Variants in BCHE observed in about 807,000 individuals in gnomAD.
BCHE encodes butyrylcholinesterase.
In BCHE, 48 loss-of-function variants were observed where a neutral mutation model predicts 51.3. The ratio of observed to expected loss-of-function variants is 0.94; its 90% CI spans 0.74 to 1.19. The LOEUF (loss-of-function observed/expected upper bound fraction) is 1.19. BCHE is among the 50% of genes most tolerant of loss of function. The pLI is 0.00. For synonymous variants in BCHE, 251 were observed against 238.0 expected (o/e 1.05, Z -0.50); for missense variants, 847 against 708.2 (o/e 1.20, Z -2.23).
At chr3:165,773,850 CTTTAAAATAACACAAATTTCA>C (rs1712352372) in intron 3 of BCHE, among the ~76,000 whole-genome samples, 1 of 151,932 alleles carries the variant, frequency 6.6e-6, no homozygotes, top group African/African-American at 2.4e-5. Context: ...TCTTGACCCA[CTTTAAAATAACACAAATTTCA>C]TTTAATGGTC....
chr3:165,799,200 C>T (rs1426733706), intron 2 of BCHE, among the ~76,000 whole-genome samples: 1 of 152,006 alleles, frequency 6.6e-6, no homozygotes, highest in African/African-American at 2.4e-5. Flanking sequence ...CTCTATTTAG[C>T]GTTGTGTTTC....
chr3:165,817,805 G>T (rs573966966), intron 2 of BCHE, among the ~76,000 whole-genome samples: 1 of 151,906 alleles, frequency 6.6e-6, no homozygotes, highest in Non-Finnish European at 1.5e-5. Context: ...GCATTATTGA[G>T]GTAATAGGGA....
chr3:165,799,210 C>T (rs1713545490), intron 2 of BCHE, among the ~76,000 whole-genome samples: 1 of 152,028 alleles, frequency 6.6e-6, no homozygotes, highest in African/African-American at 2.4e-5. Context: ...CGTTGTGTTT[C>T]CTTCCAAATG....
chr3:165,797,414 G>C (rs1377127717), intron 2 of BCHE, among the ~76,000 whole-genome samples: 1 of 137,646 alleles, frequency 7.3e-6, no homozygotes, highest in Admixed American at 8.1e-5. Flanking sequence ...AGCTGGGCAA[G>C]TGCATCCAGA....
rs529084358 is a variant in BCHE at position 165,809,866 on chromosome 3, T to A, written c.1517+19651A>T. Among the ~76,000 whole-genome samples the A allele has an allele frequency of 3.5e-4, 54 of 152,296 alleles. 1 individual carries two copies. In the South Asian group the frequency reaches 0.011, roughly 30 times the overall value. ...ACATCATTGTCTTAGTTAAATTTCT[T>A]CAACTGTCAACTTTTTAAAAAGTAT... On this transcript the variant is annotated intron_variant, in intron 2 of 3. Coordinates refer to ENST00000264381, the MANE Select transcript of BCHE (RefSeq NM_000055.4).
At chr3:165,785,287 C>A (rs540144482) in intron 3 of BCHE, among the ~76,000 whole-genome samples, 1 of 151,812 alleles carries the variant, frequency 6.6e-6, no homozygotes, top group East Asian at 1.9e-4. Context: ...ACCTGACCAG[C>A]AATATGTCTG....
chr3:165,830,049 CAG>C lies in BCHE; in HGVS notation c.983_984del (p.Thr328ArgfsTer8). Reference protein sequence around the residue: ...FGPTVDGDFLTDMPDILLELG... With the variant: ...FGPTVDGDFLXDMPDILLELG... ...AGTTCAAGTAATATGTCTGGCATGT[CAG>C]TGAGAAAATCACCATCCACGGTCGG... On this transcript the variant is annotated frameshift_variant, in exon 2 of 4. Transcript: ENST00000264381. LOFTEE classifies it high-confidence loss of function. 6.2e-7 allele frequency: 1 copy of C among 1,613,698 alleles called. No homozygotes were observed. The highest frequency in any genetic ancestry group is 8.5e-7 in the Non-Finnish European group (1 of 1,179,860).
At chr3:165,780,819 TA>T (rs1712667555) in intron 3 of BCHE, among the ~76,000 whole-genome samples, 1 of 152,136 alleles carries the variant, frequency 6.6e-6, no homozygotes, top group Non-Finnish European at 1.5e-5. Context: ...GGTGGGAATA[TA>T]AATTAGTTCA....
intron 2 of BCHE, among the ~76,000 whole-genome samples, chr3:165,793,760 G>A (rs999412142): frequency 6.6e-6 from 1 of 152,150 alleles, no homozygotes; most frequent in African/African-American, 2.4e-5. Flanking sequence ...TGTCTCACGT[G>A]CAAACCATTT....
chr3:165,799,804 T>A (rs1473365169), intron 2 of BCHE, among the ~76,000 whole-genome samples: 3 of 152,094 alleles, frequency 2.0e-5, no homozygotes, highest in African/African-American at 7.2e-5. Context: ...GGTGAAAACC[T>A]TTAACCAAAA....
chr3:165,834,266 G>A (rs983059950), intron 1 of BCHE, among the ~76,000 whole-genome samples: 14 of 151,970 alleles, frequency 9.2e-5, no homozygotes, highest in African/African-American at 1.4e-4. Context: ...TATATTTTAT[G>A]CTGAGTAGGT....
chr3:165,818,593 G>T (rs1714392737), intron 2 of BCHE, among the ~76,000 whole-genome samples: 1 of 152,088 alleles, frequency 6.6e-6, no homozygotes, highest in African/African-American at 2.4e-5. Context: ...TGGTTGTAAA[G>T]ACTACATGCA....
At chr3:165,782,552 T>G (rs13062373) in intron 3 of BCHE, among the ~76,000 whole-genome samples, 6 of 152,290 alleles carry the variant, frequency 3.9e-5, no homozygotes, top group Middle Eastern at 3.4e-3. Context: ...TGTGTGTGGT[T>G]GTTGTTTTTT....
intron 3 of BCHE, chr3:165,777,765 A>T (rs1435923510): frequency 2.2e-6 from 1 of 450,858 alleles, no homozygotes; most frequent in Admixed American, 2.4e-5. Context: ...CGAGACCAAC[A>T]GCTCCTTTTC....
rs140195425 is a variant in BCHE at position 165,783,218 on chromosome 3, A to G, written c.1684+2927T>C. Among the ~76,000 whole-genome samples, 283 of 152,210 alleles carry G rather than the reference A, an allele frequency of 1.9e-3. 4 individuals are homozygous for G. In the East Asian group the frequency reaches 0.031, roughly 17 times the overall value. On this transcript the variant is annotated intron_variant, in intron 3 of 3. Transcript: ENST00000264381. ...TTATTAAACTTATCATGGAATGCAT[A>G]TTTCTTTATGCAATAAATCTCAATC...
chr3:165,804,374 TA>T (rs1416549157), intron 2 of BCHE, among the ~76,000 whole-genome samples: 13 of 152,186 alleles, frequency 8.5e-5, no homozygotes, highest in African/African-American at 2.6e-4. Flanking sequence ...TCAGATTACA[TA>T]TTTTTTTTTA....
intron 3 of BCHE, chr3:165,778,213 A>C (rs1240550396): frequency 6.5e-6 from 1 of 152,752 alleles, no homozygotes; most frequent in Non-Finnish European, 1.5e-5. Context: ...AAGCCAGTTT[A>C]CAATAATTTT....
chr3:165,835,194 A>AT (rs1715147963), intron 1 of BCHE, among the ~76,000 whole-genome samples: 2 of 54,052 alleles, frequency 3.7e-5, no homozygotes, highest in Admixed American at 4.8e-4. Flanking sequence ...AAGGTGACAA[A>AT]TCTTTTTTTG....
rs759594959 is a variant in BCHE, at chr3:165,773,424, A to G, written c.1767T>C (p.Phe589=). ...NNYMMDWKNQ[F]NDYTSKKESC... Reference sequence around the variant, plus strand: ...TTTCTTTCTTGCTAGTGTAATCGTTAAATTGATTTTTCCAGTCCATCATGT... The same window carrying G: ...TTTCTTTCTTGCTAGTGTAATCGTTGAATTGATTTTTCCAGTCCATCATGT... The change falls in exon 4 of 4, where the codon TTT becomes TTC. Residue 589 remains phenylalanine, a synonymous_variant. Transcript: ENST00000264381. 3.7e-6 allele frequency: 6 copies of G among 1,610,768 alleles called. No individual in the cohort carries two copies. The Admixed American group carries it at 8.3e-5, about 22-fold the overall frequency.
Sources: allele counts gnomAD v4.1 joint callset (sites outside exome capture counted in the v4.1 genomes callset), GRCh38; gene constraint gnomAD v4.1.1; transcripts MANE v1.5; gene names NCBI Gene and HGNC (gene_info 2026-07-23, HGNC 2026-07-21).